Variants in SOX5 observed in about 807,000 individuals in gnomAD.
SOX5 encodes the protein SRY-box transcription factor 5.
In SOX5, 9 loss-of-function variants were observed where a neutral mutation model predicts 92.0. That is an observed-to-expected ratio of 0.10 (90% CI 0.06 to 0.17). The LOEUF (loss-of-function observed/expected upper bound fraction) is 0.17, where lower values mean the gene tolerates loss of function less well. SOX5 is among the 10% of genes least tolerant of loss of function. The pLI is 1.00. For synonymous variants in SOX5, 344 were observed against 336.3 expected, an observed-to-expected ratio of 1.02 and a Z score of -0.25; for missense variants, 642 against 944.5, an observed-to-expected ratio of 0.68 and a Z score of 4.20.
rs925213644 is a variant in SOX5, at chr12:24,307,079, CA to C, written c.-173-29768del. Among the ~76,000 whole-genome samples, 63 of 150,950 alleles carry C rather than the reference CA, an allele frequency of 4.2e-4. 1 individual carries two copies. Among genetic ancestry groups the C allele is most frequent in the African/African-American group, 1.4e-3 (58 of 41,194 alleles). ...AAAACCCCATCTCTACAAAAATTAC[CA>C]AAAAAAAATTAGCTAGGCATGGTGG... On this transcript the variant is annotated intron_variant, in intron 2 of 4. Transcript: ENST00000446891.
At chr12:23,849,311 GTAAT>G (rs1408971901) in intron 2 of SOX5, among the ~76,000 whole-genome samples, 66 of 152,308 alleles carry the variant, frequency 4.3e-4, no homozygotes, top group African/African-American at 1.5e-3. Flanking sequence ...CTATCAGACA[GTAAT>G]TGATAAGAAT....
intron 3 of SOX5, among the ~76,000 whole-genome samples, chr12:24,241,701 TA>T: frequency 6.6e-6 from 1 of 152,312 alleles, no homozygotes; most frequent in South Asian, 2.1e-4. Context: ...ATTAGGCTGC[TA>T]TTCAAAAATG....
At chr12:24,232,313 C>G (rs1426792071) in intron 3 of SOX5, among the ~76,000 whole-genome samples, 1 of 152,130 alleles carries the variant, frequency 6.6e-6, no homozygotes, top group Non-Finnish European at 1.5e-5. Context: ...GGGGATAACT[C>G]CAGAAATTTC....
At chr12:23,994,245 AG>A (rs1950837681) in intron 4 of SOX5, among the ~76,000 whole-genome samples, 1 of 152,298 alleles carries the variant, frequency 6.6e-6, no homozygotes, top group South Asian at 2.1e-4. Context: ...TAAGTATGAT[AG>A]TAAAGGAAAG....
At chr12:24,560,140 G>A (rs1032140548) in intron 1 of SOX5, among the ~76,000 whole-genome samples, 1 of 152,104 alleles carries the variant, frequency 6.6e-6, no homozygotes, top group Non-Finnish European at 1.5e-5. Flanking sequence ...TGATTCTTCA[G>A]GAACAAGGTT....
chr12:24,278,274 C>T (rs1350600973), intron 2 of SOX5, among the ~76,000 whole-genome samples: 4 of 152,134 alleles, frequency 2.6e-5, no homozygotes, highest in African/African-American at 9.7e-5. Flanking sequence ...GCATTTTACT[C>T]CATTCCAAAA....
At chr12:24,308,221 C>A (rs112388421) in intron 2 of SOX5, among the ~76,000 whole-genome samples, 1 of 152,114 alleles carries the variant, frequency 6.6e-6, no homozygotes, top group Non-Finnish European at 1.5e-5. Context: ...ACACTGCTCC[C>A]CTCCCAAGTG....
chr12:23,684,219 G>A (rs954205141), intron 6 of SOX5, among the ~76,000 whole-genome samples: 19 of 151,808 alleles, frequency 1.3e-4, no homozygotes. Flanking sequence ...TGTGGTTTTG[G>A]TAAGTCTTCC....
intron 1 of SOX5, among the ~76,000 whole-genome samples, chr12:23,898,303 G>A (rs2097197391): frequency 1.3e-5 from 2 of 152,118 alleles, no homozygotes; most frequent in South Asian, 2.1e-4. Flanking sequence ...GTCTGAGTGG[G>A]CATTATCATT....
In SOX5 at chr12:23,664,611, C is replaced by T. The variant is rs2083527792; in HGVS notation, c.931+833G>A. Among the ~76,000 whole-genome samples, 6 of 151,904 alleles carry T rather than the reference C, an allele frequency of 3.9e-5. No homozygotes were observed. The South Asian group carries it at 1.2e-3, about 32-fold the overall frequency. On this transcript the variant is annotated intron_variant, in intron 7 of 14. Coordinates refer to ENST00000451604, the MANE Select transcript of SOX5 (RefSeq NM_006940.6). ...TCAAATGATGTATTTTTTCCTAAGA[C>T]TAACAATGTGCAATTTATATTTGGG...
intron 5 of SOX5, among the ~76,000 whole-genome samples, chr12:23,736,271 C>A (rs1346832564): frequency 2.6e-5 from 4 of 151,856 alleles, no homozygotes; most frequent in Non-Finnish European, 4.4e-5. Context: ...ACCATCCTGG[C>A]TAACAGGGTG....
intron 7 of SOX5, among the ~76,000 whole-genome samples, chr12:23,651,339 C>T (rs1454535992): frequency 2.6e-5 from 4 of 151,914 alleles, no homozygotes; most frequent in African/African-American, 9.7e-5. Context: ...CCAGGATTAT[C>T]CCACGGTTAA....
chr12:24,323,602 A>G (rs1444090970), intron 2 of SOX5, among the ~76,000 whole-genome samples: 2 of 152,128 alleles, frequency 1.3e-5, no homozygotes, highest in African/African-American at 2.4e-5. Flanking sequence ...TTAAGTGTTC[A>G]TGAGGAAAAT....
In SOX5 at chr12:24,489,348, G is replaced by A. The variant is rs144823118; in HGVS notation, c.-251+72981C>T. Among the ~76,000 whole-genome samples, 21 of 152,284 alleles carry A rather than the reference G, an allele frequency of 1.4e-4. 1 individual carries two copies. The highest frequency in any genetic ancestry group is 4.8e-4 in the African/African-American group (20 of 41,562). On this transcript the variant is annotated intron_variant, in intron 1 of 4. Transcript: ENST00000446891. ...CCAAGCCTACATTTGCCAAATGAGAGGGAGAGTGTGGGAGAGAGAGGCACG... is the reference window on the plus strand; with the variant it reads ...CCAAGCCTACATTTGCCAAATGAGAAGGAGAGTGTGGGAGAGAGAGGCACG...
intron 4 of SOX5, among the ~76,000 whole-genome samples, chr12:24,000,098 C>A (rs1188203795): frequency 1.3e-5 from 2 of 150,788 alleles, no homozygotes; most frequent in Non-Finnish European, 3.0e-5. Context: ...TATTATATAT[C>A]TATTAGCATA....
At chr12:24,343,048 C>T (rs1952761719) in intron 2 of SOX5, among the ~76,000 whole-genome samples, 1 of 152,178 alleles carries the variant, frequency 6.6e-6, no homozygotes. Flanking sequence ...CCTCATTTTC[C>T]TAAAAGCAAG....
chr12:24,228,659 TGC>T (rs1962638700), intron 3 of SOX5, among the ~76,000 whole-genome samples: 1 of 151,536 alleles, frequency 6.6e-6, no homozygotes, highest in African/African-American at 2.4e-5. Context: ...TGTGTGTGTG[TGC>T]GTGTGTGTGC....
chr12:24,255,609 G>A (rs947478678), intron 3 of SOX5, among the ~76,000 whole-genome samples: 1 of 152,118 alleles, frequency 6.6e-6, no homozygotes, highest in Non-Finnish European at 1.5e-5. Context: ...AAGCAGCTAG[G>A]GAATTAGGTA....
At chr12:24,493,862 T>TC (rs34098413) in intron 1 of SOX5, among the ~76,000 whole-genome samples, 40,420 of 141,488 alleles carry the variant, frequency 0.29, 6,388 homozygotes, top group East Asian at 0.71. Context: ...AGACTCCATC[T>TC]CAAAAAAAAA....
Sources: allele counts gnomAD v4.1 joint callset (sites outside exome capture counted in the v4.1 genomes callset), GRCh38; gene constraint gnomAD v4.1.1; transcripts MANE v1.5; gene names NCBI Gene and HGNC (gene_info 2026-07-23, HGNC 2026-07-21).